Variants in ITGB5 observed in about 807,000 individuals in gnomAD.
ITGB5 encodes the protein integrin beta-5.
In ITGB5, 38 loss-of-function variants were observed where a neutral mutation model predicts 84.8. The observed-to-expected ratio is 0.45, with a 90% CI of 0.35 to 0.59. ITGB5 has a LOEUF of 0.59. ITGB5 is among the 20% of genes least tolerant of loss of function. The probability of loss-of-function intolerance (pLI) is 0.01; values close to 1 mark genes in which losing one functional copy is unlikely to be tolerated. For missense variants in ITGB5, 905 were observed against 1,034.5 expected (o/e 0.87, Z 1.72); for synonymous variants, 393 against 414.4 (o/e 0.95, Z 0.63).
chr3:124,813,957 C>T (rs528141540), intron 8 of ITGB5, among the ~76,000 whole-genome samples: 50 of 152,264 alleles, frequency 3.3e-4, no homozygotes, highest in African/African-American at 9.4e-4. Context: ...GAGCACCCCC[C>T]AAGAGTCACC....
At chr3:124,794,731 G>A (rs138769569) in intron 10 of ITGB5, among the ~76,000 whole-genome samples, 2,457 of 151,752 alleles carry the variant, frequency 0.016, 27 homozygotes, top group Middle Eastern at 0.034. Context: ...GCAGTGAGCT[G>A]AGATTGTGCC....
chr3:124,799,970 G>A (rs2064292175), intron 9 of ITGB5, among the ~76,000 whole-genome samples: 1 of 152,186 alleles, frequency 6.6e-6, no homozygotes, highest in Non-Finnish European at 1.5e-5. Context: ...GATAAGAGTG[G>A]GGACTATGCC....
At chr3:124,764,319 TA>T (rs2063735791) in intron 14 of ITGB5, 71 bp downstream of exon 14, 1 of 1,494,452 alleles carries the variant, frequency 6.7e-7, no homozygotes. Context: ...CCTCTATTGC[TA>T]ACATACCGCT....
chr3:124,818,966 A>C (rs1467463437), intron 7 of ITGB5, among the ~76,000 whole-genome samples: 1 of 152,180 alleles, frequency 6.6e-6, no homozygotes, highest in Non-Finnish European at 1.5e-5. Flanking sequence ...TTCATCACGT[A>C]AAAGAATCTC....
intron 1 of ITGB5, among the ~76,000 whole-genome samples, chr3:124,879,308 A>T (rs914451704): frequency 6.6e-6 from 1 of 152,198 alleles, no homozygotes; most frequent in African/African-American, 2.4e-5. Context: ...CTGCAGTTGG[A>T]ATTTCCTGAT....
intron 11 of ITGB5, chr3:124,769,552 C>T (rs1021103271): frequency 1.3e-5 from 2 of 153,934 alleles, no homozygotes; most frequent in African/African-American, 4.8e-5. Flanking sequence ...TGGTCATCAC[C>T]CAGGGCGGGG....
intron 1 of ITGB5, among the ~76,000 whole-genome samples, chr3:124,899,247 T>C (rs1248121475): frequency 6.6e-6 from 1 of 152,198 alleles, no homozygotes; most frequent in East Asian, 1.9e-4. Context: ...GCCACTTCAT[T>C]GAAATAGGGA....
upstream of ITGB5, among the ~76,000 whole-genome samples, chr3:124,890,268 A>G (rs1934970626): frequency 6.9e-6 from 1 of 144,736 alleles, no homozygotes; most frequent in Non-Finnish European, 1.5e-5. Flanking sequence ...CAGTGGCACA[A>G]TCTCAGCTCA....
chr3:124,882,271 T>C (rs1185465924), intron 1 of ITGB5, among the ~76,000 whole-genome samples: 4 of 151,950 alleles, frequency 2.6e-5, no homozygotes, highest in Non-Finnish European at 5.9e-5. Context: ...TTAGGGGAAA[T>C]AGTGAAGAAG....
At chr3:124,845,564 C>T (rs1031732335) in intron 4 of ITGB5, among the ~76,000 whole-genome samples, 3 of 152,262 alleles carry the variant, frequency 2.0e-5, no homozygotes, top group African/African-American at 7.2e-5. Context: ...GCCTTGTACT[C>T]ACTGTCAGGA....
At chr3:124,783,982 C>T (rs2064043334) in intron 10 of ITGB5, among the ~76,000 whole-genome samples, 1 of 152,214 alleles carries the variant, frequency 6.6e-6, no homozygotes, top group African/African-American at 2.4e-5. Flanking sequence ...TGACAAGCCC[C>T]TCACCCTTTG....
At chr3:124,823,017 T>G (rs980922354) in intron 5 of ITGB5, among the ~76,000 whole-genome samples, 83 of 151,964 alleles carry the variant, frequency 5.5e-4, no homozygotes, top group Non-Finnish European at 1.1e-3. Context: ...TCCCAACACT[T>G]TGGGAGGCTG....
At chr3:124,811,668 T>C (rs1368190890) in intron 8 of ITGB5, among the ~76,000 whole-genome samples, 4 of 152,210 alleles carry the variant, frequency 2.6e-5, no homozygotes, top group South Asian at 2.1e-4. Context: ...TGGACTCTTA[T>C]GTTCTACTCA....
At chr3:124,780,109 G>A (rs1223546109) in intron 10 of ITGB5, among the ~76,000 whole-genome samples, 1 of 122,592 alleles carries the variant, frequency 8.2e-6, no homozygotes, top group Non-Finnish European at 1.6e-5. Context: ...TCTGAGGCAG[G>A]GCACGGGGAC....
chr3:124,877,281 C>G (rs1476267499), intron 1 of ITGB5, among the ~76,000 whole-genome samples: 2 of 151,880 alleles, frequency 1.3e-5, no homozygotes, highest in East Asian at 3.9e-4. Context: ...ACCTGGCTCA[C>G]TTAGTGATTT....
intron 2 of ITGB5, chr3:124,862,411 A>T (rs2065317228): frequency 6.6e-6 from 1 of 152,206 alleles, no homozygotes; most frequent in Non-Finnish European, 1.5e-5. Context: ...GGTCAATGAG[A>T]TGATCCCCCC....
At chr3:124,861,197 T>A (rs373977089) in intron 2 of ITGB5, among the ~76,000 whole-genome samples, 2 of 152,110 alleles carry the variant, frequency 1.3e-5, no homozygotes, top group Admixed American at 6.5e-5. Context: ...TGTTTTTTTT[T>A]AATAACGATT....
chr3:124,859,199 T>C, intron 3 of ITGB5, 43 bp downstream of exon 3: 1 of 1,588,128 alleles, frequency 6.3e-7, no homozygotes, highest in East Asian at 2.2e-5. Context: ...CCCATGGGCC[T>C]TCCTGATCCC....
chr3:124,842,348 T>C (rs2065022073), intron 4 of ITGB5, among the ~76,000 whole-genome samples: 1 of 152,250 alleles, frequency 6.6e-6, no homozygotes, highest in Admixed American at 6.5e-5. Context: ...GTGGCCCTAT[T>C]CCTGAAGGGA....
Sources: allele counts gnomAD v4.1 joint callset (sites outside exome capture counted in the v4.1 genomes callset), GRCh38; gene constraint gnomAD v4.1.1; transcripts MANE v1.5; gene names NCBI Gene and HGNC (gene_info 2026-07-23, HGNC 2026-07-21).